The following CHID1 variants were observed in gnomAD, a reference collection of about 807,000 sequenced individuals.
CHID1 encodes the protein chitinase domain containing 1, also known as chitinase domain-containing protein 1.
A neutral mutation model predicts 55.4 loss-of-function variants in CHID1; 44 were observed. The observed-to-expected ratio is 0.79, with a 90% confidence interval of 0.62 to 1.02. The LOEUF (loss-of-function observed/expected upper bound fraction) is 1.02. CHID1 is among the 50% of genes least tolerant of loss of function. The pLI is 0.00. For synonymous variants in CHID1, 216 were observed against 212.9 expected (o/e 1.01, Z -0.13); for missense variants, 491 against 515.3 (o/e 0.95, Z 0.46).
chr11:900,148 G>T, intron 5 of CHID1, 38 bp from the exon 6 acceptor site: 1 of 1,506,332 alleles, frequency 6.6e-7, no homozygotes. Flanking sequence ...GCCGTGACTG[G>T]GAGATGCTGG....
At chr11:902,435 G>A (rs1191273686) in intron 3 of CHID1, 105 bp from the exon 4 acceptor site, 35 of 1,313,248 alleles carry the variant, frequency 2.7e-5, no homozygotes, top group Admixed American at 9.6e-5. Flanking sequence ...GCTGGCCAGC[G>A]TAGACAGATA....
At chr11:904,927 T>C (rs1852098998) in intron 1 of CHID1, 68 bp from the exon 2 acceptor site, 1 of 1,530,396 alleles carries the variant, frequency 6.5e-7, no homozygotes, top group Non-Finnish European at 8.9e-7. Flanking sequence ...ACCCCTCTGC[T>C]GATGGGGCCA....
rs770396702 is a variant in CHID1 at position 900,928 on chromosome 11, G to A, written c.439+8C>T. The A allele has an allele frequency of 2.9e-5, 47 of 1,599,744 alleles. No homozygotes were observed. The highest frequency in any genetic ancestry group is 3.6e-5 in the Non-Finnish European group (42 of 1,174,192). ...TCAGGGCCTCCACTCCTGGCCTGCC[G>A]CACTTACCTATGTGCAGGCCCTTGG... On this transcript the variant is annotated splice_region_variant and intron_variant, in intron 5 of 12. Transcript: ENST00000323578.
chr11:884,168 T>G lies in CHID1; in HGVS notation c.703A>C (p.Thr235Pro). Residue 235 changes from threonine (T) to proline (P), a missense_variant and splice_region_variant, in exon 9 of 13, where the codon ACC becomes CCC. Transcript: ENST00000323578. ...TGCGTGAACATGCCCAGCTGGTCGG[T>G]CCTGTAACAGACAGGTGCAGCCACC... is the stretch of plus-strand genomic sequence containing the variant. Reference protein sequence around the residue: ...LVIPPAITPGTDQLGMFTHKE... With the variant: ...LVIPPAITPGPDQLGMFTHKE... The G allele has an allele frequency of 1.2e-6, 2 of 1,613,636 alleles. No individual in the cohort carries two copies. The highest frequency in any genetic ancestry group is 1.7e-6 in the Non-Finnish European group (2 of 1,179,720).
At chr11:902,861 T>C (rs1851922479) in intron 3 of CHID1, 101 bp downstream of exon 3, 6 of 1,120,436 alleles carry the variant, frequency 5.4e-6, no homozygotes, top group South Asian at 1.4e-5. Flanking sequence ...GATCAGAACA[T>C]AGACCCCCAT....
intron 8 of CHID1, among the ~76,000 whole-genome samples, chr11:890,618 A>G (rs1850736126): frequency 6.6e-6 from 1 of 152,220 alleles, no homozygotes; most frequent in African/African-American, 2.4e-5. Flanking sequence ...GGGGCCAACT[A>G]GAGAGTGACC....
intron 10 of CHID1, among the ~76,000 whole-genome samples, chr11:874,066 T>C (rs1849342620): frequency 6.6e-6 from 1 of 152,068 alleles, no homozygotes; most frequent in Admixed American, 6.6e-5. Flanking sequence ...GGAGACCAGC[T>C]TGGAAACTTT....
intron 6 of CHID1, 44 bp downstream of exon 6, chr11:899,960 C>G (rs771301155): frequency 7.4e-6 from 11 of 1,492,252 alleles, no homozygotes; most frequent in Non-Finnish European, 1.0e-5. Flanking sequence ...CAGGTGGGAC[C>G]CGGGGGGCTG....
intron 10 of CHID1, among the ~76,000 whole-genome samples, chr11:879,044 C>A (rs1445815821): frequency 1.3e-5 from 2 of 152,182 alleles, no homozygotes; most frequent in African/African-American, 4.8e-5. Context: ...GACGGGGTTT[C>A]ACCGTGTTAG....
Position 904,633 on chromosome 11 carries a change from T to G in CHID1, c.111+73A>C, listed in dbSNP as rs977768690. 20 of 1,574,666 alleles carry G rather than the reference T, an allele frequency of 1.3e-5. No homozygotes were observed. In the Admixed American group the frequency reaches 3.2e-4, roughly 25 times the overall value. On this transcript the variant is annotated intron_variant, in intron 2 of 12. Transcript: ENST00000323578. The stretch of plus-strand genomic sequence containing the variant: ...GAGCCTCCTGGCTCACAGGCCCCAG[T>G]GGACAGAAAGAAGAGGATGATGGAT...
intron 2 of CHID1, among the ~76,000 whole-genome samples, chr11:904,218 TAC>T (rs1275921026): frequency 2.0e-5 from 3 of 152,182 alleles, no homozygotes; most frequent in Non-Finnish European, 4.4e-5. Context: ...AGGTCACAGT[TAC>T]AGTCCTGTGG....
chr11:876,001 A>C (rs1849489432), intron 10 of CHID1, among the ~76,000 whole-genome samples: 1 of 152,094 alleles, frequency 6.6e-6, no homozygotes, highest in Admixed American at 6.5e-5. Context: ...GGGGCATGTG[A>C]GGCTGGGGGC....
chr11:870,367 G>A (rs1849087178), intron 11 of CHID1, 52 bp downstream of exon 11: 2 of 1,480,928 alleles, frequency 1.4e-6, no homozygotes, highest in Non-Finnish European at 1.9e-6. Context: ...CACCCCCAGG[G>A]CCCCTCCCTG....
rs948981394 is a variant in CHID1, at chr11:903,224, C to T, written c.112-113G>A. On this transcript the variant is annotated intron_variant, in intron 2 of 12. Transcript: ENST00000323578. ...GCCAGCAGCCGAGTCTCTGGATCCA[C>T]ACAGTGCTGCTGACCCGGAGACCCT... The T allele has an allele frequency of 2.8e-6, 3 of 1,077,784 alleles. No homozygotes were observed. The South Asian group carries it at 4.5e-5, about 16-fold the overall frequency. 66.8% of individuals were successfully genotyped at this position (1,077,784 alleles called of 1,614,324 possible).
At chr11:872,542 C>T (rs1486393250) in intron 10 of CHID1, among the ~76,000 whole-genome samples, 1 of 152,230 alleles carries the variant, frequency 6.6e-6, no homozygotes, top group East Asian at 1.9e-4. Flanking sequence ...GACCCCTGCC[C>T]TCCTGTGGCT....
At chr11:890,256 C>T (rs1262193132) in intron 8 of CHID1, among the ~76,000 whole-genome samples, 1 of 152,214 alleles carries the variant, frequency 6.6e-6, no homozygotes, top group Non-Finnish European at 1.5e-5. Flanking sequence ...ACACTGCCAG[C>T]ACGCGGCCTG....
chr11:911,054 C>T (rs564933185), upstream of CHID1: 19 of 153,272 alleles, frequency 1.2e-4, no homozygotes, highest in Admixed American at 1.0e-3. Flanking sequence ...ATCAGGTTCC[C>T]GGCCCAGGGG....
chr11:906,413 AT>A (rs1852219782), intron 1 of CHID1, among the ~76,000 whole-genome samples: 2 of 151,516 alleles, frequency 1.3e-5, no homozygotes, highest in Admixed American at 1.3e-4. Flanking sequence ...TAGTTTTTGT[AT>A]TTTTAGTAGA....
In CHID1 at chr11:900,795, C is replaced by T. The variant is rs139776245; in HGVS notation, c.439+141G>A. On this transcript the variant is annotated intron_variant, in intron 5 of 12. Transcript: ENST00000323578. ...GCTGTGAATGCCAGGCCAGGGCCAG[C>T]CTCATCTCTGAGCGGTCAAAGTAAC... 2,845 of 659,568 alleles carry T rather than the reference C, an allele frequency of 4.3e-3. 16 individuals are homozygous for T. Among genetic ancestry groups the T allele is most frequent in the Non-Finnish European group, 5.0e-3 (2,016 of 402,068 alleles). 40.9% of individuals were successfully genotyped at this position (659,568 alleles called of 1,614,324 possible).
Sources: gnomAD v4.1 joint callset for allele counts (sites outside exome capture counted in the v4.1 genomes callset) on GRCh38, gnomAD v4.1.1 for gene constraint, MANE v1.5 for transcripts, NCBI Gene and HGNC (gene_info 2026-07-23, HGNC 2026-07-21) for gene names.